Variants in LPIN2 observed in about 807,000 individuals in gnomAD.
The protein encoded by LPIN2 is lipin 2.
In LPIN2, 55 loss-of-function variants were observed where a neutral mutation model predicts 111.4. The observed-to-expected ratio is 0.49, with a 90% CI of 0.40 to 0.62. LPIN2 has a LOEUF of 0.62. Ranked by LOEUF, LPIN2 falls within the 20% of genes least tolerant of loss-of-function variation. The pLI is 0.00. For missense variants in LPIN2, 992 were observed against 1,112.1 expected, an observed-to-expected ratio of 0.89 and a Z score of 1.54; for synonymous variants, 425 against 414.0, an observed-to-expected ratio of 1.03 and a Z score of -0.32.
At chr18:2,989,852 G>A (rs1163407326) in intron 1 of LPIN2, among the ~76,000 whole-genome samples, 1 of 151,482 alleles carries the variant, frequency 6.6e-6, no homozygotes, top group African/African-American at 2.4e-5. Context: ...CCCAGGAGGT[G>A]GAAGCTGCAG....
intron 4 of LPIN2, among the ~76,000 whole-genome samples, chr18:2,943,210 G>GT (rs145549555): frequency 3.3e-5 from 5 of 150,292 alleles, no homozygotes; most frequent in Non-Finnish European, 7.4e-5. Flanking sequence ...TTTCTGTTTT[G>GT]TTTTTTAGAG....
intron 1 of LPIN2, among the ~76,000 whole-genome samples, chr18:2,998,652 T>G (rs549970127): frequency 5.9e-4 from 89 of 150,756 alleles, no homozygotes; most frequent in Non-Finnish European, 9.7e-4. Context: ...AGAAAAGCGT[T>G]GTAGAGCCCA....
intron 1 of LPIN2, among the ~76,000 whole-genome samples, chr18:2,999,568 C>T (rs2078398860): frequency 6.6e-6 from 1 of 150,440 alleles, no homozygotes; most frequent in South Asian, 2.1e-4. Context: ...CACGCCACTG[C>T]ACTCCAGCCT....
rs572709030 is a variant in LPIN2 at position 2,958,786 on chromosome 18, A to T, written c.192+1863T>A. On this transcript the variant is annotated intron_variant, in intron 2 of 19. Transcript: ENST00000677752. ...CAGGAATTGTATTATTTCCTAAATTAGAGGCACACAGCAAGCAGGAAAAGG... is the reference window on the plus strand; with the variant it reads ...CAGGAATTGTATTATTTCCTAAATTTGAGGCACACAGCAAGCAGGAAAAGG... 2.0e-5 allele frequency among the ~76,000 whole-genome samples: 3 copies of T among 152,336 alleles called. No individual in the cohort carries two copies. In the South Asian group the frequency reaches 6.2e-4, roughly 32 times the overall value.
chr18:2,989,631 A>C (rs2078235098), intron 1 of LPIN2, among the ~76,000 whole-genome samples: 1 of 146,638 alleles, frequency 6.8e-6, no homozygotes, highest in South Asian at 2.2e-4. Flanking sequence ...TCAAAGTTAC[A>C]GTAATCAGGC....
At chr18:2,923,535 T>C (rs1055372070) in intron 16 of LPIN2, among the ~76,000 whole-genome samples, 1 of 151,430 alleles carries the variant, frequency 6.6e-6, no homozygotes, top group Non-Finnish European at 1.5e-5. Flanking sequence ...ATTCTAGTTA[T>C]AGATGTAGGT....
intron 1 of LPIN2, among the ~76,000 whole-genome samples, chr18:2,961,085 G>T (rs1225733110): frequency 3.3e-5 from 5 of 151,980 alleles, no homozygotes; most frequent in African/African-American, 1.2e-4. Context: ...GCCAGGGCCT[G>T]AGGCATTCCC....
chr18:2,992,462 G>A (rs2078279611), intron 1 of LPIN2, among the ~76,000 whole-genome samples: 1 of 152,174 alleles, frequency 6.6e-6, no homozygotes, highest in East Asian at 1.9e-4. Context: ...GAAAAATTTT[G>A]GAAATAGCAG....
intron 2 of LPIN2, 81 bp downstream of exon 2, chr18:2,960,568 G>C: frequency 2.9e-6 from 4 of 1,374,090 alleles, no homozygotes; most frequent in Non-Finnish European, 4.1e-6. Context: ...CATAGAGGAT[G>C]ACTTTTCTAC....
intron 5 of LPIN2, 40 bp downstream of exon 5, chr18:2,940,565 T>G: frequency 2.5e-6 from 3 of 1,221,408 alleles, no homozygotes; most frequent in Non-Finnish European, 3.6e-6. Flanking sequence ...ATACATCTCC[T>G]TCCTCTTTCA....
chr18:2,971,753 A>C (rs1473595887), intron 1 of LPIN2, among the ~76,000 whole-genome samples: 1 of 151,164 alleles, frequency 6.6e-6, no homozygotes, highest in Non-Finnish European at 1.5e-5. Context: ...ACTGGAAAAA[A>C]AAAAAAAAAA....
chr18:2,967,959 T>TA (rs2077834323), intron 1 of LPIN2, among the ~76,000 whole-genome samples: 1 of 152,156 alleles, frequency 6.6e-6, no homozygotes, highest in South Asian at 2.1e-4. Context: ...GATGGTTCAT[T>TA]AAAGCCCATG....
At chr18:2,930,444 G>C (rs918767702) in intron 9 of LPIN2, among the ~76,000 whole-genome samples, 3 of 152,180 alleles carry the variant, frequency 2.0e-5, no homozygotes, top group Non-Finnish European at 4.4e-5. Flanking sequence ...AGCTTCCTGT[G>C]ACCCTGGAAA....
intron 8 of LPIN2, among the ~76,000 whole-genome samples, chr18:2,932,191 A>G (rs618760): frequency 0.47 from 71,552 of 152,100 alleles, 19,671 homozygotes; most frequent in Non-Finnish European, 0.61. Context: ...CAGCACCTTA[A>G]GTCTCACAGT....
At chr18:2,952,077 TTG>T (rs2077545712) in intron 3 of LPIN2, among the ~76,000 whole-genome samples, 1 of 152,214 alleles carries the variant, frequency 6.6e-6, no homozygotes, top group South Asian at 2.1e-4. Context: ...TCTTAGCCAT[TTG>T]TTTCATTCCT....
intron 2 of LPIN2, among the ~76,000 whole-genome samples, chr18:2,956,311 G>GGGGTGTGTGTGTGTGT (rs537302837): frequency 3.5e-5 from 5 of 144,050 alleles, no homozygotes; most frequent in South Asian, 2.2e-4. Flanking sequence ...TAGATGCAGG[G>GGGGTGTGTGTGTGTGT]GTGTGTGTGT....
chr18:2,920,198 G>A lies in LPIN2; in HGVS notation c.*95C>T, dbSNP rs1048760369. ...GCTCCAGAAGCACCCGTCCCCGCTG[G>A]GGAAGGCTGGTATCTGAGGTCAGCA... On this transcript the variant is annotated 3_prime_UTR_variant, in exon 20 of 20. Transcript: ENST00000677752. 2 of 1,548,032 alleles carry A rather than the reference G, an allele frequency of 1.3e-6. No homozygotes were observed. Among genetic ancestry groups the A allele is most frequent in the African/African-American group, 1.4e-5 (1 of 73,606 alleles).
At chr18:3,001,252 G>A (rs1434909758) in intron 1 of LPIN2, among the ~76,000 whole-genome samples, 1 of 152,166 alleles carries the variant, frequency 6.6e-6, no homozygotes, top group Non-Finnish European at 1.5e-5. Context: ...TGTAATCCAG[G>A]ACTCAGAATC....
At chr18:2,983,271 AACTACTGAAC>A (rs1353087688) in intron 1 of LPIN2, among the ~76,000 whole-genome samples, 1 of 152,206 alleles carries the variant, frequency 6.6e-6, no homozygotes, top group Non-Finnish European at 1.5e-5. Flanking sequence ...CCAAGAGCCC[AACTACTGAAC>A]ACTTTTCCTT....
Sources: allele counts gnomAD v4.1 joint callset (sites outside exome capture counted in the v4.1 genomes callset), GRCh38; gene constraint gnomAD v4.1.1; transcripts MANE v1.5; gene names NCBI Gene and HGNC (gene_info 2026-07-23, HGNC 2026-07-21).